Variants in FAT3 observed in about 807,000 individuals in gnomAD.
FAT3 encodes protocadherin Fat 3.
FAT3 carries 95 observed loss-of-function variants against 310.2 expected under a neutral mutation model. The ratio of observed to expected loss-of-function variants is 0.31; its 90% confidence interval spans 0.26 to 0.36. The LOEUF (loss-of-function observed/expected upper bound fraction) is 0.36, where lower values mean the gene tolerates loss of function less well. Among genes scored for constraint, FAT3 ranks in the 10% least tolerant of loss-of-function variants. The pLI is 1.00. For synonymous variants in FAT3, 2,314 were observed against 2,192.9 expected (o/e 1.06, Z -1.54); for missense variants, 5,408 against 5,715.6 (o/e 0.95, Z 1.74).
chr11:92,537,220 C>G (rs1264136571), intron 3 of FAT3, among the ~76,000 whole-genome samples: 2 of 152,104 alleles, frequency 1.3e-5, no homozygotes, highest in African/African-American at 4.8e-5. Flanking sequence ...GTCTCTATCT[C>G]TGACAGTCTT....
At position 92,397,810 on chromosome 11, in the gene FAT3, T is replaced by C. The variant is rs149010527; in HGVS notation, c.3292+42406T>C. On this transcript the variant is annotated intron_variant, in intron 2 of 27. Transcript: ENST00000525166. ...CTTAAGGGGATTGCCCAGATAGATA[T>C]CAGTGACACTCTATTTGCCTGTGTT... is the stretch of plus-strand genomic sequence containing the variant. Among the ~76,000 whole-genome samples the C allele has an allele frequency of 1.3e-4, 20 of 151,922 alleles. No homozygotes were observed. The East Asian group carries it at 2.5e-3, about 19-fold the overall frequency.
chr11:92,528,792 A>G (rs1043516376), intron 3 of FAT3, among the ~76,000 whole-genome samples: 2 of 152,272 alleles, frequency 1.3e-5, no homozygotes, highest in Non-Finnish European at 1.5e-5. Flanking sequence ...TATTTTAGTC[A>G]TGTTTACACC....
intron 2 of FAT3, among the ~76,000 whole-genome samples, chr11:92,428,867 TGG>T: frequency 6.6e-6 from 1 of 152,210 alleles, no homozygotes; most frequent in East Asian, 1.9e-4. Context: ...TGATTCGGGG[TGG>T]AGAGTTCTGC....
intron 2 of FAT3, among the ~76,000 whole-genome samples, chr11:92,486,685 G>A (rs189614855): frequency 6.6e-6 from 1 of 152,032 alleles, no homozygotes; most frequent in East Asian, 1.9e-4. Flanking sequence ...TTTCTCTATT[G>A]TATCTTCCAC....
intron 2 of FAT3, among the ~76,000 whole-genome samples, chr11:92,368,875 CAT>C (rs1949100057): frequency 4.5e-5 from 6 of 133,526 alleles, no homozygotes; most frequent in Admixed American, 2.2e-4. Flanking sequence ...TATATACACA[CAT>C]ATACACATAT....
intron 1 of FAT3, among the ~76,000 whole-genome samples, chr11:92,327,916 A>G (rs754405711): frequency 1.3e-5 from 2 of 152,216 alleles, no homozygotes; most frequent in Non-Finnish European, 2.9e-5. Flanking sequence ...CAGTTACAAA[A>G]AGATGGAGAG....
At chr11:92,623,577 G>T (rs900641701) in intron 3 of FAT3, among the ~76,000 whole-genome samples, 41 of 152,308 alleles carry the variant, frequency 2.7e-4, no homozygotes, top group African/African-American at 7.9e-4. Context: ...GCCTTAGAAA[G>T]AATACTAAAT....
In FAT3 at chr11:92,621,323, A is replaced by G. The variant is rs191365986; in HGVS notation, c.3608-76061A>G. Among the ~76,000 whole-genome samples, 290 of 152,322 alleles carry G rather than the reference A, an allele frequency of 1.9e-3. 1 individual carries two copies. Among genetic ancestry groups the G allele is most frequent in the African/African-American group, 6.4e-3 (265 of 41,558 alleles). ...AGGAGAATTATTTATATTATGCAGAAGGTGGGGAGAAGGAAAAAAGAGTTT... is the reference window on the plus strand; with the variant it reads ...AGGAGAATTATTTATATTATGCAGAGGGTGGGGAGAAGGAAAAAAGAGTTT... On this transcript the variant is annotated intron_variant, in intron 3 of 27. Transcript: ENST00000525166.
rs541884186 is a variant in FAT3, at chr11:92,577,589, C to G, written c.3607+52641C>G. 2.0e-5 allele frequency among the ~76,000 whole-genome samples: 3 copies of G among 152,180 alleles called. No individual in the cohort carries two copies. The South Asian group carries it at 6.2e-4, about 32-fold the overall frequency. On this transcript the variant is annotated intron_variant, in intron 3 of 27. Coordinates refer to ENST00000525166, the MANE Select transcript of FAT3 (RefSeq NM_001367949.2). ...GGGAAAACATTCAAAATAATCTCTT[C>G]TAGCTATTTTCAAATATACAATATA...
chr11:92,792,669 C>A (rs557219724), intron 8 of FAT3, 98 bp from the exon 9 acceptor site: 16 of 1,141,320 alleles, frequency 1.4e-5, no homozygotes, highest in East Asian at 2.4e-5. Context: ...AAGCACTTTG[C>A]GTGCATTATT....
chr11:92,511,793 T>C (rs1953299752), intron 2 of FAT3, among the ~76,000 whole-genome samples: 1 of 152,190 alleles, frequency 6.6e-6, no homozygotes, highest in African/African-American at 2.4e-5. Context: ...AAGGAAGAGT[T>C]GGCCCTCCAA....
At chr11:92,320,660 G>C (rs1947590529) in intron 1 of FAT3, among the ~76,000 whole-genome samples, 1 of 152,066 alleles carries the variant, frequency 6.6e-6, no homozygotes, top group Non-Finnish European at 1.5e-5. Flanking sequence ...CTGAGGTCAG[G>C]AGTTTGAGAC....
rs554437916 is a variant in FAT3 at position 92,716,430 on chromosome 11, G to C, written c.3669+18985G>C. Among the ~76,000 whole-genome samples the C allele has an allele frequency of 2.8e-4, 42 of 151,784 alleles. 1 individual carries two copies. The highest frequency in any genetic ancestry group is 1.0e-3 in the African/African-American group (42 of 41,374). ...ATGAGCTGAGGACTGATCTACTCTT[G>C]ACTTGTGCTTTGAGTTTCCAGTGCA... On this transcript the variant is annotated intron_variant, in intron 4 of 27. Coordinates refer to ENST00000525166, the MANE Select transcript of FAT3 (RefSeq NM_001367949.2).
chr11:92,555,056 TG>T (rs67133685), intron 3 of FAT3, among the ~76,000 whole-genome samples: 22,882 of 152,216 alleles, frequency 0.15, 1,902 homozygotes, highest in East Asian at 0.29. Context: ...ACAAAAGCTT[TG>T]AGACCACACA....
intron 2 of FAT3, among the ~76,000 whole-genome samples, chr11:92,449,629 G>A (rs12295545): frequency 6.6e-6 from 1 of 152,120 alleles, no homozygotes; most frequent in African/African-American, 2.4e-5. Context: ...GGAAACTGAA[G>A]CATGGAGAAG....
At chr11:92,444,663 G>A (rs568924971) in intron 2 of FAT3, among the ~76,000 whole-genome samples, 3 of 138,566 alleles carry the variant, frequency 2.2e-5, no homozygotes, top group South Asian at 4.8e-4. Flanking sequence ...TATTACTGGG[G>A]GGGGGGGAAA....
At chr11:92,688,045 A>T (rs2511127) in intron 3 of FAT3, among the ~76,000 whole-genome samples, 23,966 of 151,080 alleles carry the variant, frequency 0.16, 2,065 homozygotes, top group African/African-American at 0.21. Flanking sequence ...AAAAAAAAAA[A>T]TTTTTTTAAC....
At chr11:92,499,842 G>A (rs1254155685) in intron 2 of FAT3, among the ~76,000 whole-genome samples, 3 of 151,868 alleles carry the variant, frequency 2.0e-5, no homozygotes, top group Admixed American at 2.0e-4. Context: ...CAAGAAGTGT[G>A]ACTTCCCTCA....
chr11:92,367,159 C>T, intron 2 of FAT3: 1 of 384,284 alleles, frequency 2.6e-6, no homozygotes, highest in Non-Finnish European at 5.2e-6. Context: ...GCCTGCTGGG[C>T]TCAGGTTGGC....
Sources: allele counts gnomAD v4.1 joint callset (sites outside exome capture counted in the v4.1 genomes callset), GRCh38; gene constraint gnomAD v4.1.1; transcripts MANE v1.5; gene names NCBI Gene and HGNC (gene_info 2026-07-23, HGNC 2026-07-21).